UBE2Q1: variants seen among roughly 807,000 people sequenced by gnomAD.
UBE2Q1 encodes the protein ubiquitin-conjugating enzyme E2 Q1.
UBE2Q1 carries 6 observed loss-of-function variants against 60.1 expected under a neutral mutation model. The ratio of observed to expected loss-of-function variants is 0.10; its 90% CI spans 0.05 to 0.20. The LOEUF (loss-of-function observed/expected upper bound fraction) is 0.20, where lower values mean the gene tolerates loss of function less well. Ranked by LOEUF, UBE2Q1 falls within the 10% of genes least tolerant of loss-of-function variation. The pLI, the probability that UBE2Q1 is intolerant of heterozygous loss-of-function variation, is 1.00. For synonymous variants in UBE2Q1, 226 were observed against 208.3 expected, an observed-to-expected ratio of 1.09 and a Z score of -0.73; for missense variants, 262 against 525.8, an observed-to-expected ratio of 0.50 and a Z score of 4.91.
intron 6 of UBE2Q1, 59 bp from the exon 7 acceptor site, chr1:154,552,523 A>C (rs563057401): frequency 1.9e-6 from 3 of 1,584,440 alleles, no homozygotes; most frequent in Non-Finnish European, 2.6e-6. Context: ...GTGGTCTCTA[A>C]TGCAGACCCC....
Position 154,550,612 on chromosome 1 carries a change from G to A in UBE2Q1, c.1238-143C>T. On this transcript the variant is annotated intron_variant, in intron 12 of 12. Coordinates refer to ENST00000292211, the MANE Select transcript of UBE2Q1 (RefSeq NM_017582.7). ...CTGTGTGGGGAGAGGTGTATGGGAA[G>A]CTGAGAGCCTGCATACCTGGAGATG... The A allele has an allele frequency of 2.6e-6, 4 of 1,513,196 alleles. No homozygotes were observed. The Middle Eastern group carries it at 7.3e-4, about 275-fold the overall frequency. 93.7% of individuals were successfully genotyped at this position (1,513,196 alleles called of 1,614,324 possible).
intron 12 of UBE2Q1, 71 bp downstream of exon 12, chr1:154,550,867 C>A: frequency 6.2e-7 from 1 of 1,612,720 alleles, no homozygotes; most frequent in Non-Finnish European, 8.5e-7. Context: ...GGGGTTCTTG[C>A]TCTGTGGCTG....
chr1:154,551,025 G>T (rs747127066), intron 11 of UBE2Q1, 21 bp from the exon 12 acceptor site: 2 of 1,613,932 alleles, frequency 1.2e-6, no homozygotes, highest in Non-Finnish European at 1.7e-6. Context: ...GAAGCCACCA[G>T]ATCAGGCCAT....
chr1:154,554,314 GCATT>G, intron 4 of UBE2Q1, among the ~76,000 whole-genome samples: 1 of 152,214 alleles, frequency 6.6e-6, no homozygotes, highest in South Asian at 2.1e-4. Flanking sequence ...AGATTGTTTA[GCATT>G]TATCATGTAT....
Position 154,552,157 on chromosome 1 carries a change from T to C in UBE2Q1, c.902A>G (p.Asn301Ser), listed in dbSNP as rs372294769. Residue 301 changes from asparagine to serine, a missense_variant, in exon 8 of 13, where the codon AAC (asparagine) becomes AGC (serine). Asn to Ser is a conservative substitution (Grantham distance 46). Coordinates refer to ENST00000292211, the MANE Select transcript of UBE2Q1 (RefSeq NM_017582.7). ...TTTCTCTTTGAGGATCTGGAGATCGTTGTGCAAAGCGCTGTCCTGGTCAAC... is the reference window on the plus strand; with the variant it reads ...TTTCTCTTTGAGGATCTGGAGATCGCTGTGCAAAGCGCTGTCCTGGTCAAC... Reference protein sequence around the residue: ...LKVDQDSALHNDLQILKEKEG... With the variant: ...LKVDQDSALHSDLQILKEKEG... 1.9e-6 allele frequency: 3 copies of C among 1,614,212 alleles called. No homozygotes were observed. Among genetic ancestry groups the C allele is most frequent in the East Asian group, 2.2e-5 (1 of 44,888 alleles).
At position 154,558,582 on chromosome 1, in the gene UBE2Q1, C is replaced by T. The variant is rs1435168662; in HGVS notation, c.-29G>A. 29 of 1,015,318 alleles carry T rather than the reference C, an allele frequency of 2.9e-5. No homozygotes were observed. In the African/African-American group the frequency reaches 4.4e-4, roughly 15 times the overall value. 62.9% of individuals were successfully genotyped at this position (1,015,318 alleles called of 1,614,324 possible). A position where few individuals can be genotyped will look rare whatever the true frequency, so the allele number is the denominator to read the frequency against. ...CCGCTCCGCTCCGCTCCGGGGCCGGCGGGCCGGGAGCCTCCGGCCTGCGCT... is the reference window on the plus strand; with the variant it reads ...CCGCTCCGCTCCGCTCCGGGGCCGGTGGGCCGGGAGCCTCCGGCCTGCGCT... On this transcript the variant is annotated 5_prime_UTR_variant, in exon 1 of 13. Coordinates refer to ENST00000292211, the MANE Select transcript of UBE2Q1 (RefSeq NM_017582.7).
At position 154,558,275 on chromosome 1, in the gene UBE2Q1, T is replaced by C. The variant is rs763937391; in HGVS notation, c.279A>G (p.Pro93=). The C allele has an allele frequency of 1.3e-6, 2 of 1,576,344 alleles. No individual in the cohort carries two copies. The highest frequency in any genetic ancestry group is 1.7e-6 in the Non-Finnish European group (2 of 1,164,422). Reference sequence around the variant, plus strand: ...CAGGATCCCCAGGCACCGACCCCCGTGGGGGGAGATGCGGTCCGGGCGCGG... The same window carrying C: ...CAGGATCCCCAGGCACCGACCCCCGCGGGGGGAGATGCGGTCCGGGCGCGG... ...AGAAPGPHLP[P]RGSVPGDPVR... is the part of the protein sequence containing the mutation. Residue 93 remains proline, a synonymous_variant, in exon 1 of 13, where the codon CCA becomes CCG. Coordinates refer to ENST00000292211, the MANE Select transcript of UBE2Q1 (RefSeq NM_017582.7).
intron 11 of UBE2Q1, 99 bp downstream of exon 11, chr1:154,551,296 CTT>C: frequency 7.8e-7 from 1 of 1,285,712 alleles, no homozygotes; most frequent in Non-Finnish European, 1.1e-6. Flanking sequence ...GCCCGGGGGC[CTT>C]ATGCTCATTC....
At chr1:154,551,035 T>C (rs776803084) in intron 11 of UBE2Q1, 31 bp from the exon 12 acceptor site, 10 of 1,610,796 alleles carry the variant, frequency 6.2e-6, no homozygotes, top group Non-Finnish European at 5.9e-6. Context: ...GATCAGGCCA[T>C]GGCTAGCTGT....
chr1:154,554,337 G>A (rs903297536), intron 4 of UBE2Q1, among the ~76,000 whole-genome samples: 2 of 152,178 alleles, frequency 1.3e-5, no homozygotes, highest in African/African-American at 4.8e-5. Context: ...ATCATCTGAA[G>A]CATTTTATAT....
rs1302680593 is a variant in UBE2Q1, at chr1:154,558,211, G to A, written c.327+16C>T. On this transcript the variant is annotated intron_variant, in intron 1 of 12. Transcript: ENST00000292211. ...ACAAGGGGCCCCCACAGAGGCGCAC[G>A]CGAGGGGGTCCTCACCGTGATGTTG... 6 of 1,507,104 alleles carry A rather than the reference G, an allele frequency of 4.0e-6. No homozygotes were observed. Among genetic ancestry groups the A allele is most frequent in the Middle Eastern group, 4.1e-4 (2 of 4,820 alleles). 93.4% of individuals were successfully genotyped at this position (1,507,104 alleles called of 1,614,324 possible). A position where few individuals can be genotyped will look rare whatever the true frequency, so the allele number is the denominator to read the frequency against.
chr1:154,550,279 G>A lies in UBE2Q1; in HGVS notation c.*159C>T. 1 of 975,234 alleles carries A rather than the reference G, an allele frequency of 1.0e-6. No homozygotes were observed. 60.4% of individuals were successfully genotyped at this position (975,234 alleles called of 1,614,324 possible). On this transcript the variant is annotated 3_prime_UTR_variant, in exon 13 of 13. Coordinates refer to ENST00000292211, the MANE Select transcript of UBE2Q1 (RefSeq NM_017582.7). ...GTTCTGTGTTTGTTTTTTTTCCTTAGCGTTTAGAATAGCCATCATTGTCCT... is the reference window on the plus strand; with the variant it reads ...GTTCTGTGTTTGTTTTTTTTCCTTAACGTTTAGAATAGCCATCATTGTCCT...
intron 1 of UBE2Q1, 144 bp downstream of exon 1, chr1:154,558,083 A>C: frequency 1.6e-6 from 1 of 636,630 alleles, no homozygotes; most frequent in Non-Finnish European, 2.6e-6. Context: ...CAAGCAGCAG[A>C]AACAAATGTA....
intron 4 of UBE2Q1, chr1:154,554,509 A>C (rs879368982): frequency 3.6e-5 from 15 of 418,616 alleles, no homozygotes; most frequent in Admixed American, 8.2e-5. Context: ...ATTTGAAATT[A>C]ACTTACCCAG....
chr1:154,552,291 G>A (rs1695803298), intron 7 of UBE2Q1, 108 bp from the exon 8 acceptor site: 10 of 1,586,206 alleles, frequency 6.3e-6, no homozygotes, highest in Admixed American at 5.0e-5. Context: ...GCCCACACCC[G>A]CTCCGGGACC....
rs1174240876 is a variant in UBE2Q1, at chr1:154,550,822, G to A, written c.1237+116C>T. On this transcript the variant is annotated intron_variant, in intron 12 of 12. Transcript: ENST00000292211. ...CTGGGAGAACTGGGGCAGGTGCTGTGTTAATGGGTGGTTGAGTATCAGAAA... is the reference window on the plus strand; with the variant it reads ...CTGGGAGAACTGGGGCAGGTGCTGTATTAATGGGTGGTTGAGTATCAGAAA... The A allele has an allele frequency of 2.3e-5, 36 of 1,588,304 alleles. No individual in the cohort carries two copies. In the South Asian group the frequency reaches 3.5e-4, roughly 15 times the overall value.
At position 154,551,072 on chromosome 1, in the gene UBE2Q1, G is replaced by A. The variant is rs1695783566; in HGVS notation, c.1171-68C>T. ...GCCTTACTGCCCCTCACCTTCTGCA[G>A]GCTGTCACCCAGAGACCCCAGAGTC... On this transcript the variant is annotated intron_variant, in intron 11 of 12. Coordinates refer to ENST00000292211, the MANE Select transcript of UBE2Q1 (RefSeq NM_017582.7). 4.4e-6 allele frequency: 7 copies of A among 1,582,898 alleles called. No homozygotes were observed. The Admixed American group carries it at 1.0e-4, about 23-fold the overall frequency.
At chr1:154,552,602 T>C in intron 6 of UBE2Q1, 134 bp downstream of exon 6, 3 of 1,420,246 alleles carry the variant, frequency 2.1e-6, no homozygotes, top group Non-Finnish European at 2.9e-6. Flanking sequence ...ACCAAGCCAC[T>C]GGCTTGAGGA....
At chr1:154,552,061 C>A in intron 8 of UBE2Q1, 32 bp downstream of exon 8, 1 of 1,613,986 alleles carries the variant, frequency 6.2e-7, no homozygotes, top group Admixed American at 1.7e-5. Context: ...CAGCCTAGGC[C>A]AGAGGGAGAG....
Sources: gnomAD v4.1 joint callset for allele counts (sites outside exome capture counted in the v4.1 genomes callset) on GRCh38, gnomAD v4.1.1 for gene constraint, MANE v1.5 for transcripts, NCBI Gene and HGNC (gene_info 2026-07-23, HGNC 2026-07-21) for gene names.